The following INPP4B variants were observed in gnomAD, a reference collection of about 807,000 sequenced individuals.
INPP4B encodes the protein inositol polyphosphate 4-phosphatase type II.
A neutral mutation model predicts 122.5 loss-of-function variants in INPP4B; 55 were observed. The ratio of observed to expected loss-of-function variants is 0.45; its 90% CI spans 0.36 to 0.56. INPP4B has a LOEUF of 0.56. Ranked by LOEUF, INPP4B falls within the 20% of genes least tolerant of loss-of-function variation. The pLI is 0.00. For missense variants in INPP4B, 1,000 were observed against 1,097.7 expected, an observed-to-expected ratio of 0.91 and a Z score of 1.26; for synonymous variants, 403 against 388.7, an observed-to-expected ratio of 1.04 and a Z score of -0.43.
At chr4:142,031,121 G>A (rs1296133078) in intron 25 of INPP4B, among the ~76,000 whole-genome samples, 4 of 151,818 alleles carry the variant, frequency 2.6e-5, no homozygotes, top group African/African-American at 9.7e-5. Flanking sequence ...TCCAATTATG[G>A]CCAGTCTGAA....
intron 11 of INPP4B, among the ~76,000 whole-genome samples, chr4:142,254,721 C>T (rs1447614502): frequency 2.5e-4 from 38 of 152,094 alleles, no homozygotes; most frequent in African/African-American, 6.8e-4. Context: ...ACCAAATCTA[C>T]GTCTGATTGG....
At chr4:142,361,485 C>T (rs1166620933) in intron 7 of INPP4B, among the ~76,000 whole-genome samples, 2 of 151,854 alleles carry the variant, frequency 1.3e-5, no homozygotes, top group African/African-American at 4.8e-5. Flanking sequence ...TCCCAGTTTT[C>T]CTTGTAGTTA....
chr4:142,564,439 C>CAAAAAAAAAAAAAAAAAAAA (rs199803105), intron 2 of INPP4B, among the ~76,000 whole-genome samples: 1 of 97,934 alleles, frequency 1.0e-5, no homozygotes, highest in Non-Finnish European at 1.9e-5. Context: ...TAAGGAATGG[C>CAAAAAAAAAAAAAAAAAAAA]AAAAAAAAAA....
chr4:142,495,037 TG>T (rs1308836371), intron 2 of INPP4B, among the ~76,000 whole-genome samples: 1 of 152,182 alleles, frequency 6.6e-6, no homozygotes, highest in African/African-American at 2.4e-5. Flanking sequence ...GGAAAGCAGT[TG>T]TTTTTTTAAG....
At chr4:142,427,415 C>T in intron 5 of INPP4B, 1 of 533,514 alleles carries the variant, frequency 1.9e-6, no homozygotes, top group Non-Finnish European at 3.3e-6. Flanking sequence ...GTTTTTTATA[C>T]TGGTAGAACA....
chr4:142,117,190 G>C (rs754751125), intron 21 of INPP4B, among the ~76,000 whole-genome samples: 2 of 152,016 alleles, frequency 1.3e-5, no homozygotes, highest in African/African-American at 2.4e-5. Flanking sequence ...AACCAAAAAA[G>C]TCCAGGACCA....
chr4:142,187,578 T>TAC (rs1311874597), intron 15 of INPP4B, among the ~76,000 whole-genome samples: 8 of 151,212 alleles, frequency 5.3e-5, no homozygotes, highest in South Asian at 2.1e-4. Context: ...TATACACACA[T>TAC]ACACACACAC....
At chr4:142,554,379 A>AGG (rs1728686296) in intron 2 of INPP4B, among the ~76,000 whole-genome samples, 1 of 151,224 alleles carries the variant, frequency 6.6e-6, no homozygotes, top group Non-Finnish European at 1.5e-5. Flanking sequence ...AAAAAAAAAA[A>AGG]AAAAAGGAAA....
chr4:142,396,756 C>T lies in INPP4B; in HGVS notation c.372+6182G>A, dbSNP rs72944946. Among the ~76,000 whole-genome samples, 381 of 152,140 alleles carry T rather than the reference C, an allele frequency of 2.5e-3. 1 individual carries two copies. The highest frequency in any genetic ancestry group is 8.9e-3 in the African/African-American group (368 of 41,518). On this transcript the variant is annotated intron_variant, in intron 7 of 25. Coordinates refer to ENST00000262992, the MANE Select transcript of INPP4B (RefSeq NM_001101669.3). Reference sequence around the variant, plus strand: ...AACAAATTGTGATATATCACTACAACAGACTGCAATAAAAAGGAATGGGCT... The same window carrying T: ...AACAAATTGTGATATATCACTACAATAGACTGCAATAAAAAGGAATGGGCT...
In INPP4B at chr4:142,082,143, T is replaced by C. The variant is rs954993687; in HGVS notation, c.2530A>G (p.Ser844Gly). Residue 844 changes from serine to glycine, a missense_variant, in exon 25 of 26, where the codon AGT becomes GGT. Ser to Gly is a moderately conservative substitution (Grantham distance 56). Coordinates refer to ENST00000262992, the MANE Select transcript of INPP4B (RefSeq NM_001101669.3). Reference protein sequence around the residue: ...LNGIRFTCCKSAKDRTSMSVT... With the variant: ...LNGIRFTCCKGAKDRTSMSVT... ...GACATCGATGTCCTGTCTTTGGCACTTTTACAACAGGTGAAACGAATACCA... is the reference window on the plus strand; with the variant it reads ...GACATCGATGTCCTGTCTTTGGCACCTTTACAACAGGTGAAACGAATACCA... 2.6e-6 allele frequency: 4 copies of C among 1,536,404 alleles called. No homozygotes were observed. The highest frequency in any genetic ancestry group is 3.6e-6 in the Non-Finnish European group (4 of 1,123,624).
chr4:142,622,077 T>G (rs919240988), intron 2 of INPP4B, among the ~76,000 whole-genome samples: 2 of 151,986 alleles, frequency 1.3e-5, no homozygotes, highest in African/African-American at 4.8e-5. Flanking sequence ...CATTATTTCT[T>G]CATGTATAAA....
intron 15 of INPP4B, among the ~76,000 whole-genome samples, chr4:142,187,536 A>C (rs1833695307): frequency 6.6e-6 from 1 of 151,874 alleles, no homozygotes; most frequent in Non-Finnish European, 1.5e-5. Context: ...CTATCTATAT[A>C]TAAATATATA....
At chr4:142,661,859 C>T (rs771243988) in intron 2 of INPP4B, among the ~76,000 whole-genome samples, 7 of 152,180 alleles carry the variant, frequency 4.6e-5, no homozygotes, top group Non-Finnish European at 8.8e-5. Context: ...GCTCAGGAGA[C>T]GTTACCTTAA....
chr4:142,341,968 T>G (rs1487600130), intron 7 of INPP4B, among the ~76,000 whole-genome samples: 1 of 152,150 alleles, frequency 6.6e-6, no homozygotes, highest in Admixed American at 6.5e-5. Context: ...ACCTTGACTA[T>G]AGCCTTGTGA....
intron 7 of INPP4B, among the ~76,000 whole-genome samples, chr4:142,359,085 T>A (rs1354741930): frequency 6.6e-6 from 1 of 151,922 alleles, no homozygotes; most frequent in African/African-American, 2.4e-5. Flanking sequence ...GGAGGAGCTG[T>A]ATAGAAAGTA....
intron 17 of INPP4B, among the ~76,000 whole-genome samples, chr4:142,158,359 C>T (rs1818309482): frequency 6.6e-6 from 1 of 152,086 alleles, no homozygotes; most frequent in Non-Finnish European, 1.5e-5. Context: ...TTCTACAGCC[C>T]TGAATAGGCT....
intron 1 of INPP4B, among the ~76,000 whole-genome samples, chr4:142,747,630 A>T (rs964205500): frequency 6.6e-6 from 1 of 152,210 alleles, no homozygotes; most frequent in Admixed American, 6.6e-5. Context: ...TCAAATGTCC[A>T]TCAGTGATAG....
At chr4:142,428,343 A>T (rs747639427) in intron 5 of INPP4B, among the ~76,000 whole-genome samples, 2 of 151,248 alleles carry the variant, frequency 1.3e-5, no homozygotes, top group Non-Finnish European at 3.0e-5. Context: ...TCTGTATACG[A>T]AATTGAATAT....
At chr4:142,277,676 CACACAT>C (rs932250891) in intron 9 of INPP4B, among the ~76,000 whole-genome samples, 11 of 94,118 alleles carry the variant, frequency 1.2e-4, no homozygotes, top group Admixed American at 2.7e-4. Context: ...CATACACACA[CACACAT>C]ACACACACAC....
Sources: gnomAD v4.1 joint callset for allele counts (sites outside exome capture counted in the v4.1 genomes callset) on GRCh38, gnomAD v4.1.1 for gene constraint, MANE v1.5 for transcripts, NCBI Gene and HGNC (gene_info 2026-07-23, HGNC 2026-07-21) for gene names.